Variants in C18orf54 observed in about 807,000 individuals in gnomAD.
The protein encoded by C18orf54 is lung adenoma susceptibility protein 2.
In C18orf54, 49 loss-of-function variants were observed where a neutral mutation model predicts 49.3. That is an observed-to-expected ratio of 0.99 (90% CI 0.79 to 1.26). C18orf54 has a LOEUF of 1.26. Ranked by LOEUF, C18orf54 falls within the 50% of genes most tolerant of loss-of-function variation. The probability of loss-of-function intolerance (pLI) is 0.00; values close to 1 mark genes in which losing one functional copy is unlikely to be tolerated. For missense variants in C18orf54, 687 were observed against 620.6 expected (o/e 1.11, Z -1.14); for synonymous variants, 211 against 216.6 (o/e 0.97, Z 0.23).
At chr18:54,375,155 C>T (rs1048562677) in intron 8 of C18orf54, among the ~76,000 whole-genome samples, 1 of 151,700 alleles carries the variant, frequency 6.6e-6, no homozygotes, top group Non-Finnish European at 1.5e-5. Flanking sequence ...TGTTTCATAC[C>T]TAATAGAATT....
rs777254306 is a variant in C18orf54, at chr18:54,372,477, C to G, written c.1338C>G (p.Leu446=). The G allele has an allele frequency of 6.2e-6, 10 of 1,608,736 alleles. No homozygotes were observed. The South Asian group carries it at 1.0e-4, about 16-fold the overall frequency. The change falls in exon 7 of 9, where the codon CTC becomes CTG. Residue 446 remains leucine, a synonymous_variant. Transcript: ENST00000620105. ...TGTTTTAACCTTAGAGCTGTACTCT[C>G]TCTGGAGGCAAACATCATGGTCCTG... ...FLNNDNQSCT[L]SGGKHHGPVE... is the part of the protein sequence containing the mutation.
At chr18:54,373,681 CTATA>C (rs2089525966) in intron 7 of C18orf54, among the ~76,000 whole-genome samples, 1 of 151,746 alleles carries the variant, frequency 6.6e-6, no homozygotes, top group African/African-American at 2.4e-5. Flanking sequence ...TTGAGACAAA[CTATA>C]TAAAGTACTT....
intron 7 of C18orf54, 63 bp downstream of exon 7, chr18:54,372,660 T>C: frequency 7.0e-7 from 1 of 1,426,456 alleles, no homozygotes; most frequent in Non-Finnish European, 9.5e-7. Flanking sequence ...TTTTTCTACA[T>C]CTTTTAATAG....
Position 54,360,049 on chromosome 18 carries a change from A to G in C18orf54, c.-46-478A>G, listed in dbSNP as rs558773610. On this transcript the variant is annotated intron_variant, in intron 2 of 8. Coordinates refer to ENST00000620105, the MANE Select transcript of C18orf54 (RefSeq NM_001288980.2). ...ATAACATTGAAAGTGAATATTCTCCATTGTTCTTGTTTTGAATACTTCATT... is the reference window on the plus strand; with the variant it reads ...ATAACATTGAAAGTGAATATTCTCCGTTGTTCTTGTTTTGAATACTTCATT... 3.7e-4 allele frequency among the ~76,000 whole-genome samples: 57 copies of G among 152,264 alleles called. 1 individual carries two copies. Among genetic ancestry groups the G allele is most frequent in the Non-Finnish European group, 1.2e-4 (8 of 67,992 alleles).
chr18:54,379,672 G>A lies in C18orf54; in HGVS notation c.*1426G>A, dbSNP rs1177844444. 6.6e-6 allele frequency: 1 copy of A among 151,776 alleles called. No homozygotes were observed. Among genetic ancestry groups the A allele is most frequent in the South Asian group, 2.1e-4 (1 of 4,808 alleles). The allele number at this position is 151,776 out of a possible 1,614,324, so 9.4% of individuals were successfully genotyped here. On this transcript the variant is annotated 3_prime_UTR_variant, in exon 9 of 9. Coordinates refer to ENST00000620105, the MANE Select transcript of C18orf54 (RefSeq NM_001288980.2). ...AATAGCCTGCATAATCAAACAAGGA[G>A]TTACTTTGAAATTAAAGTATGCCTG... is the stretch of plus-strand genomic sequence containing the variant.
chr18:54,371,935 C>G (rs2144745928), intron 6 of C18orf54, among the ~76,000 whole-genome samples: 1 of 152,162 alleles, frequency 6.6e-6, no homozygotes, highest in South Asian at 2.1e-4. Context: ...GTCTTAAGTA[C>G]TGCTGCGTTC....
chr18:54,365,904 T>A, intron 6 of C18orf54, 83 bp downstream of exon 6: 6 of 705,874 alleles, frequency 8.5e-6, no homozygotes, highest in Admixed American at 6.2e-5. Flanking sequence ...ACTTAGATAA[T>A]TTAAAGCAAA....
At position 54,379,903 on chromosome 18, in the gene C18orf54, T is replaced by C. The variant is rs1383131440; in HGVS notation, c.*1657T>C. Reference sequence around the variant, plus strand: ...GAAATTATGACTGAAAAGCACCTATTCGGTTAGTGCTCCTATTCATGAGAA... The same window carrying C: ...GAAATTATGACTGAAAAGCACCTATCCGGTTAGTGCTCCTATTCATGAGAA... On this transcript the variant is annotated 3_prime_UTR_variant, in exon 9 of 9. Coordinates refer to ENST00000620105, the MANE Select transcript of C18orf54 (RefSeq NM_001288980.2). 1 of 152,014 alleles carries C rather than the reference T, an allele frequency of 6.6e-6. No individual in the cohort carries two copies. Among genetic ancestry groups the C allele is most frequent in the East Asian group, 1.9e-4 (1 of 5,192 alleles). The allele number at this position is 152,014 out of a possible 1,614,324, so 9.4% of individuals were successfully genotyped here. A position where few individuals can be genotyped will look rare whatever the true frequency, so the allele number is the denominator to read the frequency against.
Position 54,361,791 on chromosome 18 carries a change from G to A in C18orf54, c.432G>A (p.Pro144=), listed in dbSNP as rs995574394. 1.2e-6 allele frequency: 2 copies of A among 1,613,956 alleles called. No homozygotes were observed. The highest frequency in any genetic ancestry group is 2.2e-5 in the East Asian group (1 of 44,858). ...CATTTTCTTATACTTATGTTGGACC[G>A]AGTCACCGAACGAGCAAGAAAAACA... ...DGSFSYTYVG[P]SHRTSKKNKK... is the part of the protein sequence containing the mutation. Residue 144 remains proline (P), a synonymous_variant, in exon 4 of 9, where the codon CCG becomes CCA. Transcript: ENST00000620105.
intron 4 of C18orf54, 86 bp downstream of exon 4, chr18:54,362,517 G>T: frequency 8.5e-7 from 1 of 1,181,660 alleles, no homozygotes; most frequent in South Asian, 1.8e-5. Context: ...TGATATCTGG[G>T]AGCTTTTATG....
chr18:54,374,963 A>C (rs1028417622), intron 8 of C18orf54, among the ~76,000 whole-genome samples: 1 of 151,954 alleles, frequency 6.6e-6, no homozygotes, highest in Non-Finnish European at 1.5e-5. Flanking sequence ...GATCTAAGGA[A>C]CTGGTGGAAA....
At chr18:54,366,980 C>T (rs1040028707) in intron 6 of C18orf54, among the ~76,000 whole-genome samples, 1 of 152,094 alleles carries the variant, frequency 6.6e-6, no homozygotes, top group Admixed American at 6.6e-5. Context: ...AAAGCTACTC[C>T]TACTTCCTTT....
At chr18:54,367,757 G>A (rs1227364309) in intron 6 of C18orf54, among the ~76,000 whole-genome samples, 1 of 151,948 alleles carries the variant, frequency 6.6e-6, no homozygotes, top group Non-Finnish European at 1.5e-5. Context: ...TCCCAGACGT[G>A]GGAAATTTTC....
At chr18:54,360,926 G>T (rs562318966) in intron 3 of C18orf54, 71 bp downstream of exon 3, 1 of 1,401,078 alleles carries the variant, frequency 7.1e-7, no homozygotes, top group Non-Finnish European at 9.7e-7. Context: ...CTGTAGTATT[G>T]TAAAGTTTGA....
At position 54,378,827 on chromosome 18, in the gene C18orf54, A is replaced by G. The variant is rs534066501; in HGVS notation, c.*581A>G. The G allele has an allele frequency of 2.0e-5, 3 of 152,282 alleles. No individual in the cohort carries two copies. In the South Asian group the frequency reaches 6.2e-4, roughly 32 times the overall value. The allele number at this position is 152,282 out of a possible 1,614,324, so 9.4% of individuals were successfully genotyped here. The stretch of plus-strand genomic sequence containing the variant: ...AATAGTGGGGTGATACTGTGTTAAA[A>G]GGAATGTTGTGTTGTGACATTCAAG... On this transcript the variant is annotated 3_prime_UTR_variant, in exon 9 of 9. Transcript: ENST00000620105.
At chr18:54,368,901 A>G (rs1000312287) in intron 6 of C18orf54, among the ~76,000 whole-genome samples, 2 of 152,196 alleles carry the variant, frequency 1.3e-5, no homozygotes, top group African/African-American at 4.8e-5. Context: ...AATGCAGTAT[A>G]ATTAGTTACG....
At chr18:54,370,457 T>A (rs534667486) in intron 6 of C18orf54, among the ~76,000 whole-genome samples, 1 of 152,296 alleles carries the variant, frequency 6.6e-6, no homozygotes, top group Admixed American at 6.5e-5. Context: ...ACTTTTATAT[T>A]CACAAAGTGT....
chr18:54,368,110 CTG>C (rs775350827), intron 6 of C18orf54, among the ~76,000 whole-genome samples: 4 of 151,676 alleles, frequency 2.6e-5, no homozygotes, highest in African/African-American at 7.3e-5. Flanking sequence ...AATTATCTGT[CTG>C]TGTTTTTTTG....
chr18:54,375,540 A>G (rs2089556296), intron 8 of C18orf54, among the ~76,000 whole-genome samples: 1 of 150,916 alleles, frequency 6.6e-6, no homozygotes, highest in African/African-American at 2.4e-5. Flanking sequence ...AAAGCATTAT[A>G]CTGCACTTGT....
Sources: gnomAD v4.1 joint callset for allele counts (sites outside exome capture counted in the v4.1 genomes callset) on GRCh38, gnomAD v4.1.1 for gene constraint, MANE v1.5 for transcripts, NCBI Gene and HGNC (gene_info 2026-07-23, HGNC 2026-07-21) for gene names.